Variants in KCNH7 observed in about 807,000 individuals in gnomAD.
KCNH7 encodes the protein voltage-gated inwardly rectifying potassium channel KCNH7.
KCNH7 carries 49 observed loss-of-function variants against 120.8 expected under a neutral mutation model. The observed-to-expected ratio is 0.41, with a 90% CI of 0.32 to 0.51. The LOEUF is 0.51. KCNH7 is among the 20% of genes least tolerant of loss of function. KCNH7 has a pLI of 0.38. For synonymous variants in KCNH7, 547 were observed against 516.1 expected, an observed-to-expected ratio of 1.06 and a Z score of -0.81; for missense variants, 1,097 against 1,446.6, an observed-to-expected ratio of 0.76 and a Z score of 3.92.
At chr2:162,540,662 A>G (rs1449223189) in intron 2 of KCNH7, among the ~76,000 whole-genome samples, 1 of 152,064 alleles carries the variant, frequency 6.6e-6, no homozygotes, top group Non-Finnish European at 1.5e-5. Flanking sequence ...GAGAGTAGGC[A>G]AGGTCAAGGG....
chr2:162,526,755 A>C (rs1574065209), intron 3 of KCNH7, among the ~76,000 whole-genome samples: 1 of 152,066 alleles, frequency 6.6e-6, no homozygotes, highest in African/African-American at 2.4e-5. Flanking sequence ...CAATTTGTGC[A>C]GTTAACACAA....
At chr2:162,785,301 A>G (rs944510298) in intron 2 of KCNH7, 2 of 152,224 alleles carry the variant, frequency 1.3e-5, no homozygotes, top group African/African-American at 4.8e-5. Flanking sequence ...ACTGATATGA[A>G]TCACATTTAG....
intron 9 of KCNH7, among the ~76,000 whole-genome samples, chr2:162,408,866 A>G (rs1687305123): frequency 6.6e-6 from 1 of 151,890 alleles, no homozygotes; most frequent in African/African-American, 2.4e-5. Flanking sequence ...TAAGAACAAT[A>G]CTCGATGATA....
intron 2 of KCNH7, among the ~76,000 whole-genome samples, chr2:162,750,362 T>G (rs1688497050): frequency 6.6e-6 from 1 of 151,700 alleles, no homozygotes; most frequent in Admixed American, 6.6e-5. Context: ...TAAAAAAAAC[T>G]GGATAAATTT....
At chr2:162,394,929 C>T (rs1421560896) in intron 11 of KCNH7, among the ~76,000 whole-genome samples, 1 of 151,794 alleles carries the variant, frequency 6.6e-6, no homozygotes, top group Non-Finnish European at 1.5e-5. Context: ...AACCATTCCT[C>T]TTCCTCCTCC....
chr2:162,699,080 GAA>G (rs1686399445), intron 2 of KCNH7, among the ~76,000 whole-genome samples: 1 of 152,000 alleles, frequency 6.6e-6, no homozygotes, highest in Non-Finnish European at 1.5e-5. Flanking sequence ...TTTTTGTGGT[GAA>G]AAACTTAAAA....
intron 3 of KCNH7, among the ~76,000 whole-genome samples, chr2:162,527,668 A>C (rs189621724): frequency 6.6e-6 from 1 of 152,010 alleles, no homozygotes; most frequent in African/African-American, 2.4e-5. Flanking sequence ...GCTTCAGTTG[A>C]AGCTTTTAGA....
chr2:162,777,843 C>G (rs1047597095), intron 2 of KCNH7, among the ~76,000 whole-genome samples: 2 of 152,050 alleles, frequency 1.3e-5, no homozygotes, highest in Non-Finnish European at 2.9e-5. Context: ...TGAAACAAGG[C>G]AAACTATTGA....
chr2:162,689,325 T>C (rs1686019861), intron 2 of KCNH7, among the ~76,000 whole-genome samples: 1 of 152,048 alleles, frequency 6.6e-6, no homozygotes, highest in Admixed American at 6.6e-5. Flanking sequence ...TGATTTTTTG[T>C]ATTTTTAGTA....
chr2:162,441,553 A>G (rs958575020), intron 7 of KCNH7, among the ~76,000 whole-genome samples: 4 of 152,192 alleles, frequency 2.6e-5, no homozygotes, highest in Non-Finnish European at 1.5e-5. Flanking sequence ...ATTAATTGCA[A>G]GAATCCTAAT....
chr2:162,677,305 G>A (rs892789937), intron 2 of KCNH7, among the ~76,000 whole-genome samples: 1 of 151,424 alleles, frequency 6.6e-6, no homozygotes, highest in Admixed American at 6.6e-5. Flanking sequence ...AGAGGAGTCA[G>A]CCAATTGTCA....
chr2:162,540,495 T>C (rs1692266537), intron 2 of KCNH7, among the ~76,000 whole-genome samples: 3 of 152,158 alleles, frequency 2.0e-5, no homozygotes, highest in South Asian at 2.1e-4. Context: ...CATTTTACAA[T>C]AAGATGATGG....
intron 6 of KCNH7, among the ~76,000 whole-genome samples, chr2:162,502,964 A>T (rs1690734293): frequency 6.6e-6 from 1 of 152,100 alleles, no homozygotes; most frequent in African/African-American, 2.4e-5. Context: ...AGAAATAAAG[A>T]GGTTATCTTA....
At chr2:162,663,802 A>G (rs1192664382) in intron 2 of KCNH7, among the ~76,000 whole-genome samples, 1 of 152,204 alleles carries the variant, frequency 6.6e-6, no homozygotes, top group African/African-American at 2.4e-5. Flanking sequence ...AACACTCATT[A>G]CAATAAATTG....
chr2:162,678,874 C>G (rs1685615995), intron 2 of KCNH7, among the ~76,000 whole-genome samples: 2 of 151,558 alleles, frequency 1.3e-5, no homozygotes, highest in African/African-American at 4.8e-5. Flanking sequence ...TGAGAAAAGT[C>G]TGTTGCCTTG....
chr2:162,440,477 A>T (rs1055293330), intron 7 of KCNH7, among the ~76,000 whole-genome samples: 3 of 152,072 alleles, frequency 2.0e-5, no homozygotes, highest in African/African-American at 4.8e-5. Context: ...TATATACATC[A>T]TTCAATTATT....
intron 2 of KCNH7, among the ~76,000 whole-genome samples, chr2:162,680,376 G>A (rs566421812): frequency 2.0e-5 from 3 of 151,838 alleles, no homozygotes; most frequent in South Asian, 2.1e-4. Context: ...AATAGGACTC[G>A]TGGAGAAAGA....
At chr2:162,398,525 T>C (rs1290034881) in intron 10 of KCNH7, among the ~76,000 whole-genome samples, 2 of 151,856 alleles carry the variant, frequency 1.3e-5, no homozygotes, top group Non-Finnish European at 2.9e-5. Context: ...TTTCCTGACA[T>C]TCTTTATAGT....
chr2:162,453,741 C>T (rs1688860142), intron 6 of KCNH7, among the ~76,000 whole-genome samples: 1 of 152,008 alleles, frequency 6.6e-6, no homozygotes, highest in African/African-American at 2.4e-5. Flanking sequence ...TCATATGTTT[C>T]TTGGCCACAT....
Sources: allele counts gnomAD v4.1 joint callset (sites outside exome capture counted in the v4.1 genomes callset), GRCh38; gene constraint gnomAD v4.1.1; transcripts MANE v1.5; gene names NCBI Gene and HGNC (gene_info 2026-07-23, HGNC 2026-07-21).